TENM3: variants seen among roughly 807,000 people sequenced by gnomAD.
TENM3 encodes the protein teneurin transmembrane protein 3.
Under a neutral mutation model 255.1 loss-of-function variants are expected in TENM3, and 63 were observed. The ratio of observed to expected loss-of-function variants is 0.25; its 90% CI spans 0.20 to 0.30. The LOEUF (loss-of-function observed/expected upper bound fraction) is 0.30, where lower values mean the gene tolerates loss of function less well. Among genes scored for constraint, TENM3 ranks in the 10% least tolerant of loss-of-function variants. TENM3 has a pLI of 1.00. For missense variants in TENM3, 2,929 were observed against 3,461.1 expected, an observed-to-expected ratio of 0.85 and a Z score of 3.86; for synonymous variants, 1,306 against 1,322.3, an observed-to-expected ratio of 0.99 and a Z score of 0.27.
the TENM3 span, among the ~76,000 whole-genome samples, chr4:181,762,354 C>T: frequency 6.6e-6 from 1 of 152,232 alleles, no homozygotes; most frequent in South Asian, 2.1e-4. Flanking sequence ...ACATCTGCAC[C>T]ATATGTGTAT....
the TENM3 span, among the ~76,000 whole-genome samples, chr4:181,799,403 G>T: frequency 6.6e-6 from 1 of 152,192 alleles, no homozygotes; most frequent in Non-Finnish European, 1.5e-5. Flanking sequence ...AAATAGGATG[G>T]TGCTTCCACA....
At chr4:182,317,366 C>T (rs1250938396) in intron 1 of TENM3, among the ~76,000 whole-genome samples, 6 of 152,136 alleles carry the variant, frequency 3.9e-5, no homozygotes, top group Non-Finnish European at 5.9e-5. Context: ...GTGGCACTGT[C>T]ATGGCTCACT....
chr4:182,060,827 C>G, the TENM3 span, among the ~76,000 whole-genome samples: 1 of 152,144 alleles, frequency 6.6e-6, no homozygotes, highest in South Asian at 2.1e-4. Flanking sequence ...GGATTAAAGT[C>G]TGCAAACAAT....
At chr4:182,771,753 G>A (rs55667510) in intron 22 of TENM3, among the ~76,000 whole-genome samples, 6,452 of 152,278 alleles carry the variant, frequency 0.042, 203 homozygotes, top group South Asian at 0.14. Context: ...TCAAAAAAGC[G>A]ATCACAGCAA....
chr4:182,257,099 G>A (rs903156435), intron 1 of TENM3, among the ~76,000 whole-genome samples: 4 of 152,168 alleles, frequency 2.6e-5, no homozygotes, highest in East Asian at 1.9e-4. Flanking sequence ...TGAGCTTGCA[G>A]CAGAATCACT....
chr4:182,562,239 TG>T (rs1183635376), intron 3 of TENM3, among the ~76,000 whole-genome samples: 3 of 152,164 alleles, frequency 2.0e-5, no homozygotes, highest in Non-Finnish European at 4.4e-5. Flanking sequence ...TTCCAACCAG[TG>T]GTAGAAACTC....
the TENM3 span, among the ~76,000 whole-genome samples, chr4:181,579,219 C>T: frequency 6.6e-6 from 1 of 151,960 alleles, no homozygotes; most frequent in African/African-American, 2.4e-5. Flanking sequence ...AAACTGAGCC[C>T]ACCCCACTGT....
At chr4:181,785,895 T>C in the TENM3 span, among the ~76,000 whole-genome samples, 1 of 152,092 alleles carries the variant, frequency 6.6e-6, no homozygotes, top group African/African-American at 2.4e-5. Context: ...TGTCTTAATG[T>C]GGGAGTGGAG....
chr4:181,828,832 C>T, the TENM3 span, among the ~76,000 whole-genome samples: 1 of 152,146 alleles, frequency 6.6e-6, no homozygotes, highest in Non-Finnish European at 1.5e-5. Context: ...TCAAGTGTTC[C>T]ACTCATCTCG....
At chr4:181,639,280 TTTTA>T in the TENM3 span, among the ~76,000 whole-genome samples, 9 of 152,220 alleles carry the variant, frequency 5.9e-5, no homozygotes, top group South Asian at 1.9e-3. Context: ...TTAAGAGATA[TTTTA>T]TTTATTTGCT....
intron 3 of TENM3, among the ~76,000 whole-genome samples, chr4:182,433,742 G>C (rs7654223): frequency 0.48 from 73,013 of 152,068 alleles, 18,014 homozygotes; most frequent in South Asian, 0.6. Context: ...TAGAATATGG[G>C]TTGGAGTGTG....
At chr4:181,894,933 A>T in the TENM3 span, among the ~76,000 whole-genome samples, 4 of 152,104 alleles carry the variant, frequency 2.6e-5, no homozygotes, top group Admixed American at 2.6e-4. Context: ...ATATTAGAAA[A>T]TTCATTAATT....
Position 182,799,646 on chromosome 4 carries a change from G to A in TENM3, c.7395G>A (p.Leu2465=), listed in dbSNP as rs1278666714. The A allele has an allele frequency of 3.2e-6, 5 of 1,547,186 alleles. No individual in the cohort carries two copies. The highest frequency in any genetic ancestry group is 4.4e-6 in the Non-Finnish European group (5 of 1,146,672). Residue 2465 remains leucine (L), a synonymous_variant, in exon 28 of 28, where the codon CTG becomes CTA. Transcript: ENST00000511685. This position sits in a 1 kb window ranked among gnomAD's most constrained non-coding sequence, Gnocchi z 4.2. ...TGGCGCGGCAGGCCAAGGCCTTCCT[G>A]TCGCTGGGGAAGATGGCCGAGGTGC... is the stretch of plus-strand genomic sequence containing the variant. ...QQVARQAKAF[L]SLGKMAEVQV... is the part of the protein sequence containing the mutation.
intron 3 of TENM3, among the ~76,000 whole-genome samples, chr4:182,402,869 ATAACTTT>A (rs1769301024): frequency 6.6e-6 from 1 of 152,232 alleles, no homozygotes. Context: ...TATTTAAAAC[ATAACTTT>A]TCCTTGAATG....
chr4:182,469,985 G>T (rs538695185), intron 3 of TENM3, among the ~76,000 whole-genome samples: 2 of 152,036 alleles, frequency 1.3e-5, no homozygotes, highest in Non-Finnish European at 2.9e-5. Flanking sequence ...AATATCCAGC[G>T]GGGACAGGGC....
chr4:181,950,218 G>A, the TENM3 span, among the ~76,000 whole-genome samples: 13 of 151,666 alleles, frequency 8.6e-5, no homozygotes, highest in South Asian at 2.1e-3. Context: ...AGCACCTTAC[G>A]ACCCCCACTC....
chr4:182,672,993 T>C lies in TENM3; in HGVS notation c.1112-12T>C, dbSNP rs1431010145. 1.3e-6 allele frequency: 2 copies of C among 1,553,090 alleles called. No homozygotes were observed. Among genetic ancestry groups the C allele is most frequent in the Non-Finnish European group, 1.8e-6 (2 of 1,142,088 alleles). On this transcript the variant is annotated splice_polypyrimidine_tract_variant and intron_variant, in intron 6 of 27. Coordinates refer to ENST00000511685, the MANE Select transcript of TENM3 (RefSeq NM_001080477.4). ...AAAATTTGTTCTTCATCAGTGCATCTCTTACATTCAGGAAAATTAGGTGGA... is the reference window on the plus strand; with the variant it reads ...AAAATTTGTTCTTCATCAGTGCATCCCTTACATTCAGGAAAATTAGGTGGA...
intron 1 of TENM3, among the ~76,000 whole-genome samples, chr4:182,185,675 T>G (rs1476608027): frequency 6.6e-6 from 1 of 152,200 alleles, no homozygotes; most frequent in Non-Finnish European, 1.5e-5. Context: ...CTGTATGTAC[T>G]TGGTCCCACC....
the TENM3 span, among the ~76,000 whole-genome samples, chr4:181,859,502 A>G: frequency 2.0e-5 from 3 of 152,180 alleles, no homozygotes; most frequent in Admixed American, 2.0e-4. Context: ...AATGTTTATT[A>G]CTGTGGTTCT....
Sources: gnomAD v4.1 joint callset for allele counts (sites outside exome capture counted in the v4.1 genomes callset) on GRCh38, gnomAD v4.1.1 for gene constraint, Gnocchi (gnomAD v3.1) non-coding constraint, MANE v1.5 for transcripts, NCBI Gene and HGNC (gene_info 2026-07-23, HGNC 2026-07-21) for gene names.